Variants in CSMD1 observed in about 807,000 individuals in gnomAD.
CSMD1 encodes CUB and Sushi multiple domains 1.
A neutral mutation model predicts 417.5 loss-of-function variants in CSMD1; 213 were observed. The ratio of observed to expected loss-of-function variants is 0.51; its 90% confidence interval spans 0.46 to 0.57. The LOEUF (loss-of-function observed/expected upper bound fraction) is 0.57. CSMD1 is among the 20% of genes least tolerant of loss of function. CSMD1 has a pLI of 0.00. For synonymous variants in CSMD1, 2,862 were observed against 1,736.8 expected (o/e 1.65, Z -16.11); for missense variants, 6,923 against 4,529.7 (o/e 1.53, Z -15.17).
intron 37 of CSMD1, among the ~76,000 whole-genome samples, chr8:3,176,531 C>G (rs946727701): frequency 7.2e-5 from 11 of 152,128 alleles, no homozygotes; most frequent in African/African-American, 2.7e-4. Context: ...CTTAAAATCT[C>G]TAGAGTAATT....
chr8:4,180,168 G>C (rs1432704594), intron 3 of CSMD1, among the ~76,000 whole-genome samples: 1 of 151,946 alleles, frequency 6.6e-6, no homozygotes, highest in Non-Finnish European at 1.5e-5. Flanking sequence ...CAAAGACTTG[G>C]AACCAACCCA....
At chr8:4,310,335 G>C (rs1431150551) in intron 3 of CSMD1, among the ~76,000 whole-genome samples, 2 of 152,120 alleles carry the variant, frequency 1.3e-5, no homozygotes, top group Non-Finnish European at 2.9e-5. Context: ...CTCCACACTG[G>C]AATGAATGGG....
intron 5 of CSMD1, among the ~76,000 whole-genome samples, chr8:3,788,545 A>G (rs13262859): frequency 0.45 from 67,908 of 152,008 alleles, 16,529 homozygotes; most frequent in East Asian, 0.65. Context: ...TTATTCAACC[A>G]TCCATCCATC....
Position 3,359,327 on chromosome 8 carries a change from C to T in CSMD1, c.3129G>A (p.Glu1043=), listed in dbSNP as rs1157664009. ...FNITFSEYDL[E]PCDDPGVPAF... ...CAGGGACTCCAGGATCATCACATGG[C>T]TCCAGGTCATATTCTGAGGCATGCA... The change falls in exon 21 of 70, where the codon GAG becomes GAA. Residue 1043 remains glutamate, a synonymous_variant. Transcript: ENST00000635120. 1 of 1,613,264 alleles carries T rather than the reference C, an allele frequency of 6.2e-7. No individual in the cohort carries two copies. Among genetic ancestry groups the T allele is most frequent in the South Asian group, 1.1e-5 (1 of 91,064 alleles).
At chr8:4,809,576 C>T (rs951118723) in intron 1 of CSMD1, among the ~76,000 whole-genome samples, 1 of 152,200 alleles carries the variant, frequency 6.6e-6, no homozygotes. Flanking sequence ...GAGCTCTACT[C>T]CCTACAGCTA....
At chr8:4,268,853 T>C (rs546737860) in intron 3 of CSMD1, among the ~76,000 whole-genome samples, 87 of 152,300 alleles carry the variant, frequency 5.7e-4, no homozygotes, top group African/African-American at 2.0e-3. Context: ...GAGATTTTCA[T>C]AAAACAAATC....
intron 5 of CSMD1, among the ~76,000 whole-genome samples, chr8:3,820,678 C>T (rs978876663): frequency 6.6e-5 from 10 of 152,142 alleles, no homozygotes; most frequent in Non-Finnish European, 1.3e-4. Flanking sequence ...CAGGTTTGAG[C>T]TATTCTCTTG....
chr8:4,830,926 A>G (rs756228828), intron 1 of CSMD1, among the ~76,000 whole-genome samples: 4 of 152,172 alleles, frequency 2.6e-5, no homozygotes, highest in Non-Finnish European at 4.4e-5. Flanking sequence ...GAACTTCCTT[A>G]TGTTACCCAG....
At chr8:3,272,874 C>T (rs1801971018) in intron 26 of CSMD1, among the ~76,000 whole-genome samples, 1 of 150,308 alleles carries the variant, frequency 6.7e-6, no homozygotes, top group Admixed American at 6.7e-5. Flanking sequence ...ATGTCGTCTG[C>T]AAACAGGGAC....
At chr8:3,936,022 C>T (rs1247614922) in intron 5 of CSMD1, among the ~76,000 whole-genome samples, 6 of 152,002 alleles carry the variant, frequency 3.9e-5, no homozygotes, top group Non-Finnish European at 8.8e-5. Flanking sequence ...AGGAAAACAG[C>T]CTTATTGCTG....
intron 3 of CSMD1, among the ~76,000 whole-genome samples, chr8:4,252,941 C>G (rs1420047863): frequency 6.6e-6 from 1 of 152,158 alleles, no homozygotes; most frequent in East Asian, 1.9e-4. Flanking sequence ...CAGAACACAC[C>G]AACTTTTAGA....
intron 10 of CSMD1, among the ~76,000 whole-genome samples, chr8:3,520,257 G>T (rs1797452505): frequency 6.6e-6 from 1 of 151,998 alleles, no homozygotes; most frequent in Non-Finnish European, 1.5e-5. Flanking sequence ...CAGAGAGGAA[G>T]CACCATACCA....
At chr8:4,663,741 C>T (rs1804752005) in intron 1 of CSMD1, among the ~76,000 whole-genome samples, 1 of 152,194 alleles carries the variant, frequency 6.6e-6, no homozygotes, top group South Asian at 2.1e-4. Context: ...ATTGCCCAGT[C>T]ACAGGTAGTT....
At chr8:4,561,874 C>T (rs946784477) in intron 2 of CSMD1, among the ~76,000 whole-genome samples, 7 of 152,264 alleles carry the variant, frequency 4.6e-5, no homozygotes, top group African/African-American at 1.7e-4. Context: ...CAAAGCCACA[C>T]AGCGCATATG....
intron 1 of CSMD1, among the ~76,000 whole-genome samples, chr8:4,878,208 A>G (rs1803169955): frequency 6.6e-6 from 1 of 152,058 alleles, no homozygotes; most frequent in Admixed American, 6.6e-5. Flanking sequence ...CTCACAAGAA[A>G]AGATAAGGTG....
chr8:3,913,821 C>T (rs746922735), intron 5 of CSMD1, among the ~76,000 whole-genome samples: 31 of 152,194 alleles, frequency 2.0e-4, no homozygotes, highest in South Asian at 1.0e-3. Flanking sequence ...AGTATTAGAA[C>T]CAACTCAGAC....
intron 5 of CSMD1, among the ~76,000 whole-genome samples, chr8:3,997,230 G>C (rs144171683): frequency 1.3e-5 from 2 of 152,302 alleles, no homozygotes; most frequent in African/African-American, 4.8e-5. Context: ...ATGTTTTTAA[G>C]TCTCTCAAAT....
chr8:3,382,212 T>C (rs1020997930), intron 18 of CSMD1, among the ~76,000 whole-genome samples: 1 of 151,880 alleles, frequency 6.6e-6, no homozygotes, highest in Non-Finnish European at 1.5e-5. Context: ...TGAGCCGAGA[T>C]CCTGTCACTG....
At chr8:4,348,293 G>T (rs1241820633) in intron 3 of CSMD1, among the ~76,000 whole-genome samples, 1 of 152,054 alleles carries the variant, frequency 6.6e-6, no homozygotes, top group African/African-American at 2.4e-5. Context: ...AGGAGCAAAG[G>T]CATGTTCTGT....
Sources: allele counts gnomAD v4.1 joint callset (sites outside exome capture counted in the v4.1 genomes callset), GRCh38; gene constraint gnomAD v4.1.1; transcripts MANE v1.5; gene names NCBI Gene and HGNC (gene_info 2026-07-23, HGNC 2026-07-21).